NEK9: variants seen among roughly 807,000 people sequenced by gnomAD.
NEK9 encodes NIMA related kinase 9.
A neutral mutation model predicts 123.4 loss-of-function variants in NEK9; 75 were observed. The ratio of observed to expected loss-of-function variants is 0.61; its 90% CI spans 0.50 to 0.74. NEK9 has a LOEUF of 0.74. NEK9 is among the 30% of genes least tolerant of loss of function. The pLI is 0.00. For synonymous variants in NEK9, 438 were observed against 458.7 expected (o/e 0.95, Z 0.58); for missense variants, 952 against 1,214.4 (o/e 0.78, Z 3.21).
chr14:75,120,666 A>G, intron 3 of NEK9, 86 bp from the exon 4 acceptor site: 1 of 986,800 alleles, frequency 1.0e-6, no homozygotes, highest in Non-Finnish European at 1.5e-6. Context: ...CAAAACAAAG[A>G]AAACTGCAAC....
At position 75,107,484 on chromosome 14, in the gene NEK9, T is replaced by C. The variant is rs751635505; in HGVS notation, c.1186A>G (p.Met396Val). ...CCATGGAGTTTAGTGCCTCCTTGCA[T>C]GTTCTGTGAAATAAAGAGGTCTTAT... ...VEKELYTWVN[M>V]QGGTKLHGQL... Residue 396 changes from methionine (M) to valine (V), a missense_variant, in exon 11 of 22, where the codon ATG (methionine) becomes GTG (valine). Transcript: ENST00000238616. 2.5e-6 allele frequency: 4 copies of C among 1,591,296 alleles called. No individual in the cohort carries two copies. Among genetic ancestry groups the C allele is most frequent in the Non-Finnish European group, 2.6e-6 (3 of 1,173,218 alleles).
chr14:75,099,696 C>T (rs758685235), intron 16 of NEK9, among the ~76,000 whole-genome samples: 20 of 150,386 alleles, frequency 1.3e-4, no homozygotes, highest in East Asian at 2.0e-4. Flanking sequence ...GCAGGAGAAT[C>T]GCTTGAACCT....
chr14:75,096,414 T>A (rs1191435535), intron 17 of NEK9, among the ~76,000 whole-genome samples: 1 of 152,206 alleles, frequency 6.6e-6, no homozygotes, highest in East Asian at 1.9e-4. Flanking sequence ...CAAAGTAATC[T>A]TTATGCAGAA....
chr14:75,095,213 T>C (rs1894342667), intron 18 of NEK9, among the ~76,000 whole-genome samples, 159 bp downstream of exon 18: 1 of 152,244 alleles, frequency 6.6e-6, no homozygotes, highest in Non-Finnish European at 1.5e-5. Flanking sequence ...TATAACTTAC[T>C]GCAAAACCAA....
chr14:75,097,586 G>A (rs1027016347), intron 16 of NEK9, among the ~76,000 whole-genome samples: 4 of 152,184 alleles, frequency 2.6e-5, no homozygotes, highest in Non-Finnish European at 4.4e-5. Flanking sequence ...TGGGGTGATA[G>A]AGCAGTGAAC....
At chr14:75,121,956 G>C (rs529456597) in intron 2 of NEK9, among the ~76,000 whole-genome samples, 1 of 152,272 alleles carries the variant, frequency 6.6e-6, no homozygotes, top group African/African-American at 2.4e-5. Context: ...ACTTCACACC[G>C]AAATATTTCC....
At chr14:75,098,869 A>G (rs1031467048) in intron 16 of NEK9, among the ~76,000 whole-genome samples, 1 of 152,206 alleles carries the variant, frequency 6.6e-6, no homozygotes, top group African/African-American at 2.4e-5. Context: ...CCCTGTCAGA[A>G]AGTGCTACTG....
intron 19 of NEK9, among the ~76,000 whole-genome samples, chr14:75,089,973 AGGCGTGAGCCACCTTGCCC>A: frequency 6.6e-6 from 1 of 152,182 alleles, no homozygotes; most frequent in Non-Finnish European, 1.5e-5. Flanking sequence ...CTGGGATTAC[AGGCGTGAGCCACCTTGCCC>A]GGCTAATTTT....
rs1894899038 is a variant in NEK9 at position 75,109,771 on chromosome 14, T to G, written c.1096A>C (p.Lys366Gln). The G allele has an allele frequency of 6.2e-7, 1 of 1,614,050 alleles. No homozygotes were observed. Among genetic ancestry groups the G allele is most frequent in the African/African-American group, 1.3e-5 (1 of 74,926 alleles). Reference protein sequence around the residue: ...KSTPQKLDVIKSGCSARQVCA... With the variant: ...KSTPQKLDVIQSGCSARQVCA... ...ACCTGCCGGGCACTACAGCCACTCT[T>G]GATAACATCCAGTTTCTGGGGGGTG... The change falls in exon 10 of 22, where the codon AAG becomes CAG. Residue 366 changes from lysine to glutamine, a missense_variant. By Grantham distance (53) the Lys-to-Gln change is moderately conservative (BLOSUM62 1). This residue lies in a region of NEK9 where 698 missense variants were observed against 875.6 expected (regional missense o/e 0.80). Transcript: ENST00000238616.
In NEK9 at chr14:75,124,036, T is replaced by A. The variant is rs1895430516; in HGVS notation, c.397+10A>T. On this transcript the variant is annotated intron_variant, in intron 2 of 21. Transcript: ENST00000238616. ...TCTTGCTGGAAAAGTCCCACTGAAC[T>A]CTATCTTACCATTACAATATTCCAG... 1 of 1,599,626 alleles carries A rather than the reference T, an allele frequency of 6.3e-7. No individual in the cohort carries two copies. The highest frequency in any genetic ancestry group is 1.7e-5 in the Admixed American group (1 of 59,832).
At chr14:75,106,466 C>T in intron 12 of NEK9, 36 bp downstream of exon 12, 3 of 1,605,168 alleles carry the variant, frequency 1.9e-6, no homozygotes, top group Non-Finnish European at 1.7e-6. Context: ...GGTTGTATAC[C>T]TGTGAAGAAG....
rs540000263 is a variant in NEK9, at chr14:75,086,562, T to C, written c.2817+456A>G. 10 of 162,224 alleles carry C rather than the reference T, an allele frequency of 6.2e-5. No individual in the cohort carries two copies. The South Asian group carries it at 1.7e-3, about 27-fold the overall frequency. 10.0% of individuals were successfully genotyped at this position (162,224 alleles called of 1,614,324 possible). A position where few individuals can be genotyped will look rare whatever the true frequency, so the allele number is the denominator to read the frequency against. On this transcript the variant is annotated intron_variant, in intron 21 of 21. Coordinates refer to ENST00000238616, the MANE Select transcript of NEK9 (RefSeq NM_033116.6). ...ATGAAAATGATTCAATCTAGGTGCC[T>C]GAACAAGGCCCAAGGCTTCTGGGAT...
rs765088267 is a variant in NEK9, at chr14:75,101,013, A to G, written c.1981T>C (p.Phe661Leu). 15 of 1,614,188 alleles carry G rather than the reference A, an allele frequency of 9.3e-6. No individual in the cohort carries two copies. The highest frequency in any genetic ancestry group is 1.3e-5 in the Non-Finnish European group (15 of 1,180,006). ...QVIRVSCGDE[F>L]TIAATDDNHI... ...TCACCATCAGTGGCAGCAATGGTAA[A>G]CTCATCACCGCAGGAGACCCTGATC... The change falls in exon 16 of 22, where the codon TTT becomes CTT. Residue 661 changes from phenylalanine (F) to leucine (L), a missense_variant. By Grantham distance (22) the Phe-to-Leu change is conservative. Transcript: ENST00000238616.
chr14:75,103,722 G>A (rs1163917511), intron 14 of NEK9, 120 bp downstream of exon 14: 10 of 1,066,536 alleles, frequency 9.4e-6, no homozygotes, highest in Middle Eastern at 4.2e-4. Flanking sequence ...TGCACACAAT[G>A]CCTATGAGAC....
At chr14:75,091,959 T>C (rs1894231821) in intron 18 of NEK9, among the ~76,000 whole-genome samples, 1 of 152,076 alleles carries the variant, frequency 6.6e-6, no homozygotes, top group Non-Finnish European at 1.5e-5. Context: ...CCGGGGAAAA[T>C]CTGAATGTTG....
intron 4 of NEK9, 82 bp from the exon 5 acceptor site, chr14:75,119,017 G>A: frequency 1.2e-6 from 1 of 809,946 alleles, no homozygotes; most frequent in Admixed American, 2.1e-5. Context: ...GATTATTACA[G>A]AATAAAAATG....
In NEK9 at chr14:75,083,213, G is replaced by A. The variant is rs1893918538; in HGVS notation, c.*1351C>T. On this transcript the variant is annotated 3_prime_UTR_variant, in exon 22 of 22. Coordinates refer to ENST00000238616, the MANE Select transcript of NEK9 (RefSeq NM_033116.6). Reference sequence around the variant, plus strand: ...GAGACTCATCAAAGGTAGGATGTGTGACACAAAATACCACAGGAACATTTT... The same window carrying A: ...GAGACTCATCAAAGGTAGGATGTGTAACACAAAATACCACAGGAACATTTT... 1 of 397,640 alleles carries A rather than the reference G, an allele frequency of 2.5e-6. No individual in the cohort carries two copies. The highest frequency in any genetic ancestry group is 4.4e-5 in the Admixed American group (1 of 22,704). 24.6% of individuals were successfully genotyped at this position (397,640 alleles called of 1,614,324 possible).
At position 75,079,363 on chromosome 14, in the gene NEK9, C is replaced by T. The variant is rs551313615; in HGVS notation, c.*5201G>A. The T allele has an allele frequency of 2.6e-5, 4 of 152,222 alleles. No homozygotes were observed. Among genetic ancestry groups the T allele is most frequent in the Admixed American group, 2.0e-4 (3 of 15,284 alleles). 9.4% of individuals were successfully genotyped at this position (152,222 alleles called of 1,614,324 possible). A position where few individuals can be genotyped will look rare whatever the true frequency, so the allele number is the denominator to read the frequency against. On this transcript the variant is annotated 3_prime_UTR_variant, in exon 22 of 22. Coordinates refer to ENST00000238616, the MANE Select transcript of NEK9 (RefSeq NM_033116.6). ...AAATAGGAGCACACATTTCTTTGCA[C>T]TCTTTTTAATTGTTCCAAAGGAAAG...
chr14:75,090,440 T>C (rs191615285), intron 19 of NEK9, among the ~76,000 whole-genome samples: 687 of 152,304 alleles, frequency 4.5e-3, no homozygotes, highest in Non-Finnish European at 6.4e-3. Context: ...CATAGTCTTG[T>C]TGACATTCTT....
Sources: allele counts gnomAD v4.1 joint callset (sites outside exome capture counted in the v4.1 genomes callset), GRCh38; gene constraint gnomAD v4.1.1; regional missense constraint gnomAD v4.1.1; transcripts MANE v1.5; gene names NCBI Gene and HGNC (gene_info 2026-07-23, HGNC 2026-07-21).